PARVB: variants seen among roughly 807,000 people sequenced by gnomAD.
The protein encoded by PARVB is parvin beta.
In PARVB, 46 loss-of-function variants were observed where a neutral mutation model predicts 47.0. That is an observed-to-expected ratio of 0.98 (90% CI 0.77 to 1.25). The LOEUF is 1.25. Ranked by LOEUF, PARVB falls within the 50% of genes most tolerant of loss-of-function variation. The pLI, the probability that PARVB is intolerant of heterozygous loss-of-function variation, is 0.00. For synonymous variants in PARVB, 196 were observed against 196.3 expected (o/e 1.00, Z 0.01); for missense variants, 473 against 471.6 (o/e 1.00, Z -0.03).
exon 1 of PARVB, chr22:43,999,337 A>G: frequency 6.2e-7 from 1 of 1,601,374 alleles, no homozygotes; most frequent in Non-Finnish European, 8.5e-7. Flanking sequence ...TTAGATGTGC[A>G]CAAATGCACC....
intron 1 of PARVB, among the ~76,000 whole-genome samples, chr22:44,056,478 T>C (rs1404677255): frequency 6.6e-6 from 1 of 152,020 alleles, no homozygotes; most frequent in Non-Finnish European, 1.5e-5. Context: ...TTTTTTGTTG[T>C]TGTTGTTGTT....
chr22:44,055,291 A>G (rs935987061), intron 1 of PARVB, among the ~76,000 whole-genome samples: 1 of 151,856 alleles, frequency 6.6e-6, no homozygotes, highest in African/African-American at 2.4e-5. Flanking sequence ...ATGTTGTATT[A>G]GTTAGAGTTC....
chr22:44,124,788 A>G (rs1363414696), intron 4 of PARVB, among the ~76,000 whole-genome samples: 1 of 152,170 alleles, frequency 6.6e-6, no homozygotes, highest in Non-Finnish European at 1.5e-5. Context: ...GGGTGGGATC[A>G]TGTTTTTCTC....
At chr22:44,151,442 C>A (rs13058082) in intron 9 of PARVB, 41 bp from the exon 10 acceptor site, 3 of 1,500,334 alleles carry the variant, frequency 2.0e-6, no homozygotes, top group Non-Finnish European at 2.8e-6. Flanking sequence ...GACCTGCATG[C>A]GGGCCATTCA....
Position 44,131,646 on chromosome 22 carries a change from G to C in PARVB, c.517+19G>C, listed in dbSNP as rs775644678. ...GTGGACTGTGAGTTCCACGCCACAG[G>C]GGGAGGGACTGTCTGGAGGGAGCCC... On this transcript the variant is annotated intron_variant, in intron 5 of 12. Transcript: ENST00000338758. 15 of 1,596,614 alleles carry C rather than the reference G, an allele frequency of 9.4e-6. No homozygotes were observed. In the East Asian group the frequency reaches 2.7e-4, roughly 29 times the overall value.
In PARVB at chr22:44,147,933, G is replaced by T. The variant is rs2053723008; in HGVS notation, c.774+11G>T. 1 of 1,612,924 alleles carries T rather than the reference G, an allele frequency of 6.2e-7. No individual in the cohort carries two copies. Among genetic ancestry groups the T allele is most frequent in the South Asian group, 1.1e-5 (1 of 90,984 alleles). On this transcript the variant is annotated intron_variant, in intron 9 of 12. Transcript: ENST00000338758. ...AGCGTGGTGAAGAAGGTGAGCTATTGGTGGGATGTTGGATGTGCTCTCCCC... is the reference window on the plus strand; with the variant it reads ...AGCGTGGTGAAGAAGGTGAGCTATTTGTGGGATGTTGGATGTGCTCTCCCC...
intron 3 of PARVB, chr22:44,108,137 G>T: frequency 6.6e-6 from 1 of 152,472 alleles, no homozygotes; most frequent in South Asian, 2.1e-4. Flanking sequence ...GCCTCCCAAA[G>T]TACTGGGATT....
At chr22:44,139,872 G>C (rs185008713) in intron 7 of PARVB, 2 of 537,374 alleles carry the variant, frequency 3.7e-6, no homozygotes, top group African/African-American at 3.8e-5. Context: ...GGTGGTTAAT[G>C]TGCAAATAGA....
intron 5 of PARVB, among the ~76,000 whole-genome samples, chr22:44,132,536 C>T (rs1005006769): frequency 1.3e-5 from 2 of 152,182 alleles, no homozygotes; most frequent in South Asian, 2.1e-4. Flanking sequence ...GAGATAATAA[C>T]GCACATCCTT....
chr22:44,066,789 C>CCTCCTCCTCCTT (rs2051535357), intron 1 of PARVB, among the ~76,000 whole-genome samples: 1 of 140,466 alleles, frequency 7.1e-6, no homozygotes, highest in African/African-American at 2.7e-5. Context: ...TTCTCCTCCT[C>CCTCCTCCTCCTT]CTCCTCCTCC....
At chr22:44,087,291 C>A (rs915480079) in intron 1 of PARVB, among the ~76,000 whole-genome samples, 2 of 152,126 alleles carry the variant, frequency 1.3e-5, no homozygotes, top group Non-Finnish European at 2.9e-5. Flanking sequence ...AGAAAGTCCC[C>A]GTAGGTGGCA....
In PARVB at chr22:44,097,265, G is replaced by A. The variant is rs369122712; in HGVS notation, c.203-2788G>A. ...AAAGTCCCAGGGCACTTGGCAGTGAGGGTTCCTGGCCACCCGAAGACCTAC... is the reference window on the plus strand; with the variant it reads ...AAAGTCCCAGGGCACTTGGCAGTGAAGGTTCCTGGCCACCCGAAGACCTAC... On this transcript the variant is annotated intron_variant, in intron 2 of 12. Coordinates refer to ENST00000338758, the MANE Select transcript of PARVB (RefSeq NM_013327.5). 7.2e-5 allele frequency among the ~76,000 whole-genome samples: 11 copies of A among 152,360 alleles called. No homozygotes were observed. In the East Asian group the frequency reaches 7.7e-4, roughly 11 times the overall value.
chr22:44,010,721 G>A lies in PARVB; in HGVS notation c.211+11048G>A, dbSNP rs952518783. On this transcript the variant is annotated intron_variant, in intron 2 of 13. Coordinates refer to the PARVB transcript ENST00000406477. Reference sequence around the variant, plus strand: ...TGAATTTTGGTTGCTCTCTGCTCCCGAATCTGCATAGTATCTGATTTTGTA... The same window carrying A: ...TGAATTTTGGTTGCTCTCTGCTCCCAAATCTGCATAGTATCTGATTTTGTA... Among the ~76,000 whole-genome samples, 6 of 152,116 alleles carry A rather than the reference G, an allele frequency of 3.9e-5. No homozygotes were observed. In the East Asian group the frequency reaches 1.2e-3, roughly 29 times the overall value.
chr22:44,012,927 C>G (rs559709857), intron 2 of PARVB, among the ~76,000 whole-genome samples: 1 of 151,552 alleles, frequency 6.6e-6, no homozygotes, highest in South Asian at 2.1e-4. Flanking sequence ...GAGACAGTCT[C>G]GCTCTGTCAC....
At chr22:44,057,565 CTGGGTCTCGGGGGA>C (rs2051338692) in intron 1 of PARVB, among the ~76,000 whole-genome samples, 1 of 151,952 alleles carries the variant, frequency 6.6e-6, no homozygotes, top group Non-Finnish European at 1.5e-5. Context: ...TCTGGGTGGA[CTGGGTCTCGGGGGA>C]GGCCTGCCTT....
intron 5 of PARVB, among the ~76,000 whole-genome samples, chr22:44,131,892 G>C (rs555156383): frequency 1.3e-5 from 2 of 152,310 alleles, no homozygotes; most frequent in African/African-American, 4.8e-5. Context: ...AATGTTTATG[G>C]ATGGGTGGAT....
intron 1 of PARVB, among the ~76,000 whole-genome samples, chr22:44,088,495 G>A (rs763978734): frequency 1.3e-5 from 2 of 152,042 alleles, no homozygotes; most frequent in Non-Finnish European, 2.9e-5. Flanking sequence ...TGAGACAGAC[G>A]GAGTCTCGCT....
intron 1 of PARVB, among the ~76,000 whole-genome samples, chr22:44,044,907 A>T (rs192088442): frequency 4.8e-4 from 73 of 152,342 alleles, no homozygotes; most frequent in Admixed American, 4.6e-3. Context: ...TCATGAAATG[A>T]TATCTTCCTA....
chr22:44,017,275 A>G lies in PARVB; in HGVS notation c.211+17602A>G, dbSNP rs192654836. Among the ~76,000 whole-genome samples, 9 of 152,354 alleles carry G rather than the reference A, an allele frequency of 5.9e-5. No individual in the cohort carries two copies. In the East Asian group the frequency reaches 1.7e-3, roughly 29 times the overall value. On this transcript the variant is annotated intron_variant, in intron 2 of 13. Transcript: ENST00000406477. Reference sequence around the variant, plus strand: ...AAATCATCTTAGTCTCTAGACAAAGAGGTGCAAGGAAAATTGAGTGAATGA... The same window carrying G: ...AAATCATCTTAGTCTCTAGACAAAGGGGTGCAAGGAAAATTGAGTGAATGA...
Sources: gnomAD v4.1 joint callset for allele counts (sites outside exome capture counted in the v4.1 genomes callset) on GRCh38, gnomAD v4.1.1 for gene constraint, MANE v1.5 for transcripts, NCBI Gene and HGNC (gene_info 2026-07-23, HGNC 2026-07-21) for gene names.